The following EXT1 variants were observed in gnomAD, a reference collection of about 807,000 sequenced individuals.
EXT1 encodes the protein exostosin-1.
EXT1 carries 20 observed loss-of-function variants against 82.5 expected under a neutral mutation model. The observed-to-expected ratio is 0.24, with a 90% confidence interval of 0.17 to 0.35. The LOEUF is 0.35. Ranked by LOEUF, EXT1 falls within the 10% of genes least tolerant of loss-of-function variation. EXT1 has a pLI of 1.00. For missense variants in EXT1, 757 were observed against 936.5 expected (o/e 0.81, Z 2.50); for synonymous variants, 348 against 350.8 (o/e 0.99, Z 0.09).
At chr8:117,923,970 A>G (rs111883385) in intron 1 of EXT1, among the ~76,000 whole-genome samples, 3,195 of 152,342 alleles carry the variant, frequency 0.021, 47 homozygotes, top group Middle Eastern at 0.048. Context: ...TGATATACTG[A>G]GAATAACTCC....
intron 1 of EXT1, among the ~76,000 whole-genome samples, chr8:117,851,604 G>T (rs1397532622): frequency 1.6e-5 from 2 of 125,360 alleles, no homozygotes; most frequent in Non-Finnish European, 3.3e-5. Context: ...AGAAAGCAGT[G>T]CAATTTAGCT....
chr8:118,055,243 T>C (rs1816777145), intron 1 of EXT1, among the ~76,000 whole-genome samples: 1 of 152,214 alleles, frequency 6.6e-6, no homozygotes, highest in Non-Finnish European at 1.5e-5. Context: ...TCCTATAACC[T>C]ATACATTCTT....
chr8:118,066,698 T>C (rs1047415176), intron 1 of EXT1, among the ~76,000 whole-genome samples: 1 of 152,190 alleles, frequency 6.6e-6, no homozygotes, highest in East Asian at 1.9e-4. Flanking sequence ...ATATAATATA[T>C]AGAACAAACA....
intron 1 of EXT1, among the ~76,000 whole-genome samples, chr8:118,029,470 G>A (rs1816268139): frequency 6.6e-6 from 1 of 152,010 alleles, no homozygotes; most frequent in African/African-American, 2.4e-5. Context: ...CCTCTTTTAA[G>A]GGCCATGGCA....
chr8:118,041,881 G>A (rs1471045322), intron 1 of EXT1, among the ~76,000 whole-genome samples: 1 of 151,202 alleles, frequency 6.6e-6, no homozygotes, highest in African/African-American at 2.4e-5. Context: ...CCAGGAGACA[G>A]AGGTTGCAGT....
chr8:117,812,653 C>T (rs1281836265), intron 8 of EXT1, among the ~76,000 whole-genome samples: 1 of 152,088 alleles, frequency 6.6e-6, no homozygotes, highest in African/African-American at 2.4e-5. Context: ...AATGAGGAGC[C>T]AATTAGCAGA....
At chr8:117,935,794 C>G (rs1814148833) in intron 1 of EXT1, among the ~76,000 whole-genome samples, 1 of 152,106 alleles carries the variant, frequency 6.6e-6, no homozygotes, top group African/African-American at 2.4e-5. Context: ...AGTCTCAACA[C>G]AGACAATCAC....
chr8:118,085,705 T>G (rs982398982), intron 1 of EXT1, among the ~76,000 whole-genome samples: 16 of 151,856 alleles, frequency 1.1e-4, no homozygotes, highest in Non-Finnish European at 1.8e-4. Flanking sequence ...CCTATGTTAC[T>G]CGTGTGTGTG....
chr8:117,933,853 C>A (rs542507939), intron 1 of EXT1, among the ~76,000 whole-genome samples: 2 of 152,150 alleles, frequency 1.3e-5, no homozygotes, highest in Non-Finnish European at 2.9e-5. Flanking sequence ...TGTTTTCAAA[C>A]AAACAAGTCC....
At chr8:118,012,006 G>A (rs2129836825) in intron 1 of EXT1, among the ~76,000 whole-genome samples, 1 of 152,306 alleles carries the variant, frequency 6.6e-6, no homozygotes, top group Middle Eastern at 3.4e-3. Context: ...AGCAGGAGGA[G>A]CCCCAGGGAC....
chr8:117,902,701 A>T (rs1813472469), intron 1 of EXT1, among the ~76,000 whole-genome samples: 1 of 152,236 alleles, frequency 6.6e-6, no homozygotes, highest in Non-Finnish European at 1.5e-5. Flanking sequence ...TGCAAAGAGG[A>T]AAGAGGATCC....
At position 118,101,364 on chromosome 8, in the gene EXT1, C is replaced by T. The variant is rs74862086; in HGVS notation, c.962+8721G>A. 3.9e-5 allele frequency among the ~76,000 whole-genome samples: 6 copies of T among 152,294 alleles called. No homozygotes were observed. In the East Asian group the frequency reaches 1.2e-3, roughly 29 times the overall value. ...AGGCTGTGTATCCTCACAAATTTCTCCTTTTCTGTCCATTTTTAAATCACT... is the reference window on the plus strand; with the variant it reads ...AGGCTGTGTATCCTCACAAATTTCTTCTTTTCTGTCCATTTTTAAATCACT... On this transcript the variant is annotated intron_variant, in intron 1 of 10. Coordinates refer to ENST00000378204, the MANE Select transcript of EXT1 (RefSeq NM_000127.3).
intron 1 of EXT1, among the ~76,000 whole-genome samples, chr8:117,911,468 A>G (rs1376618834): frequency 2.0e-5 from 3 of 152,164 alleles, no homozygotes; most frequent in Non-Finnish European, 4.4e-5. Context: ...AATCCCATCA[A>G]TGAAGCCTAC....
chr8:117,903,675 C>T (rs754350241), intron 1 of EXT1, among the ~76,000 whole-genome samples: 11 of 152,108 alleles, frequency 7.2e-5, no homozygotes, highest in Non-Finnish European at 1.5e-4. Flanking sequence ...CTTGCTTGCC[C>T]AGAGAAATTA....
chr8:118,044,698 T>G (rs1170814705), intron 1 of EXT1, among the ~76,000 whole-genome samples: 1 of 152,154 alleles, frequency 6.6e-6, no homozygotes, highest in Non-Finnish European at 1.5e-5. Context: ...TGAGCCACCG[T>G]GCGCGGCTGA....
intron 1 of EXT1, among the ~76,000 whole-genome samples, chr8:118,099,530 T>C (rs1003040093): frequency 2.0e-5 from 3 of 152,240 alleles, no homozygotes; most frequent in Non-Finnish European, 2.9e-5. Context: ...GTGGTCTTTA[T>C]GACATCAGTT....
intron 1 of EXT1, among the ~76,000 whole-genome samples, chr8:117,849,732 A>G (rs1812423396): frequency 6.6e-6 from 1 of 152,242 alleles, no homozygotes; most frequent in African/African-American, 2.4e-5. Context: ...GAAACCCTGC[A>G]CAAATTAATA....
intron 1 of EXT1, among the ~76,000 whole-genome samples, chr8:118,010,351 G>A (rs1411164259): frequency 4.4e-5 from 6 of 137,584 alleles, no homozygotes; most frequent in East Asian, 2.1e-4. Context: ...CAGCCTGAGC[G>A]ACAGAGGGAG....
In EXT1 at chr8:118,111,207, C is replaced by A. The variant is rs1435917445; in HGVS notation, c.-161G>T. On this transcript the variant is annotated 5_prime_UTR_variant, in exon 1 of 11. Transcript: ENST00000378204. Reference sequence around the variant, plus strand: ...GCCTTTCCCCAAGCCGTGGACTGATCCAGCGCATGTGGGCGATTTCTTTAA... The same window carrying A: ...GCCTTTCCCCAAGCCGTGGACTGATACAGCGCATGTGGGCGATTTCTTTAA... 1 of 1,021,120 alleles carries A rather than the reference C, an allele frequency of 9.8e-7. No homozygotes were observed. The highest frequency in any genetic ancestry group is 1.5e-6 in the Non-Finnish European group (1 of 684,774). 63.3% of individuals were successfully genotyped at this position (1,021,120 alleles called of 1,614,324 possible).
Sources: gnomAD v4.1 joint callset for allele counts (sites outside exome capture counted in the v4.1 genomes callset) on GRCh38, gnomAD v4.1.1 for gene constraint, MANE v1.5 for transcripts, NCBI Gene and HGNC (gene_info 2026-07-23, HGNC 2026-07-21) for gene names.